The following MTERF4 variants were observed in gnomAD, a reference collection of about 807,000 sequenced individuals.
MTERF4 encodes mitochondrial transcription termination factor 4.
Under a neutral mutation model 22.5 loss-of-function variants are expected in MTERF4, and 17 were observed. That is an observed-to-expected ratio of 0.75 (90% CI 0.52 to 1.13). The LOEUF is 1.13. Ranked by LOEUF, MTERF4 falls within the 50% of genes most tolerant of loss-of-function variation. The pLI, the probability that MTERF4 is intolerant of heterozygous loss-of-function variation, is 0.00. For missense variants in MTERF4, 420 were observed against 466.8 expected (o/e 0.90, Z 0.92); for synonymous variants, 165 against 175.3 (o/e 0.94, Z 0.47).
At chr2:241,064,812 C>G in the MTERF4 span, 1 of 1,508,266 alleles carries the variant, frequency 6.6e-7, no homozygotes, top group Non-Finnish European at 8.9e-7. The surrounding 1 kb of genome is among the most constrained non-coding windows in gnomAD (Gnocchi z 7.0). Flanking sequence ...TGGCCACGCC[C>G]CAACATACAC....
intron 4 of MTERF4, among the ~76,000 whole-genome samples, chr2:241,080,119 T>C (rs1309581382): frequency 6.6e-6 from 1 of 152,090 alleles, no homozygotes; most frequent in Non-Finnish European, 1.5e-5. Context: ...ACCCCGTCTC[T>C]ACTAAAATAC....
At chr2:241,049,997 CCTG>C in the MTERF4 span, 143 of 1,176,802 alleles carry the variant, frequency 1.2e-4, no homozygotes, top group Non-Finnish European at 1.8e-4. Context: ...GGTCCGCCGT[CCTG>C]CTTCTCTGCT....
intron 2 of MTERF4, among the ~76,000 whole-genome samples, chr2:241,098,585 G>C (rs752663952): frequency 2.0e-5 from 3 of 152,170 alleles, no homozygotes; most frequent in Non-Finnish European, 4.4e-5. Flanking sequence ...AGAAGGGAAG[G>C]CCACTCCACG....
At chr2:241,070,423 AAGCAC>A, downstream of MTERF4, among the ~76,000 whole-genome samples, 1 of 152,366 alleles carries the variant, frequency 6.6e-6, no homozygotes, top group African/African-American at 2.4e-5. Context: ...CTGGAATAAT[AAGCAC>A]ATTGAGCCTC....
At chr2:241,089,188 C>T, downstream of MTERF4, 1 of 1,083,744 alleles carries the variant, frequency 9.2e-7, no homozygotes, top group East Asian at 2.6e-5. Context: ...TCATACTGAC[C>T]ATCATTTTTT....
the MTERF4 span, among the ~76,000 whole-genome samples, chr2:241,047,926 AATCCT>A: frequency 6.8e-6 from 1 of 147,542 alleles, no homozygotes; most frequent in African/African-American, 2.6e-5. Context: ...TGTTCTGTCC[AATCCT>A]GGGTGGTCTC....
chr2:241,082,635 A>T (rs1487195549), downstream of MTERF4, among the ~76,000 whole-genome samples: 1 of 152,046 alleles, frequency 6.6e-6, no homozygotes, highest in Non-Finnish European at 1.5e-5. Flanking sequence ...CTTCCTTCCC[A>T]CACATCAGCC....
At chr2:241,065,659 C>G in the MTERF4 span, 1 of 1,420,886 alleles carries the variant, frequency 7.0e-7, no homozygotes, top group Non-Finnish European at 9.7e-7. Flanking sequence ...GCGCTGGCCC[C>G]GGCACCTGCA....
At chr2:241,064,923 C>A in the MTERF4 span, 1 of 1,587,432 alleles carries the variant, frequency 6.3e-7, no homozygotes, top group Non-Finnish European at 8.5e-7. This position sits in a 1 kb window ranked among gnomAD's most constrained non-coding sequence, Gnocchi z 7.0. Context: ...GCTGCACCTG[C>A]AAAGTGGGCT....
At chr2:241,046,423 G>A in the MTERF4 span, among the ~76,000 whole-genome samples, 1 of 152,164 alleles carries the variant, frequency 6.6e-6, no homozygotes, top group South Asian at 2.1e-4. Context: ...TGGGTGAATG[G>A]ATAGACAAAT....
the MTERF4 span, among the ~76,000 whole-genome samples, chr2:241,059,777 TA>T: frequency 1.3e-5 from 2 of 152,220 alleles, no homozygotes; most frequent in African/African-American, 4.8e-5. Flanking sequence ...CTCAACCTGA[TA>T]AAGGACATCC....
chr2:241,074,910 T>A (rs940938432), exon 5 of MTERF4: 1 of 152,174 alleles, frequency 6.6e-6, no homozygotes, highest in Admixed American at 6.5e-5. Flanking sequence ...TGCCTAGAAT[T>A]CCTTTGTTTT....
downstream of MTERF4, chr2:241,087,366 T>C: frequency 6.4e-7 from 1 of 1,571,938 alleles, no homozygotes; most frequent in Middle Eastern, 1.7e-4. Context: ...ACTGTCTGGT[T>C]TTACAAAGCT....
chr2:241,095,141 C>T (rs1288169587), downstream of MTERF4: 2 of 151,038 alleles, frequency 1.3e-5, no homozygotes, highest in Non-Finnish European at 2.9e-5. Flanking sequence ...TGCTCCATGA[C>T]CCTATGCTCT....
chr2:241,088,070 T>G (rs192691161), downstream of MTERF4: 3 of 463,956 alleles, frequency 6.5e-6, no homozygotes, highest in Non-Finnish European at 7.6e-6. Context: ...CGTCACCGGC[T>G]CTTCCCTAGG....
downstream of MTERF4, chr2:241,090,386 C>T: frequency 1.9e-6 from 3 of 1,550,096 alleles, no homozygotes; most frequent in Non-Finnish European, 2.6e-6. Context: ...CTGGAAACCT[C>T]CTGAAGGACC....
exon 5 of MTERF4, chr2:241,074,315 C>CTGGACTTG: frequency 1.3e-5 from 2 of 152,026 alleles, no homozygotes; most frequent in Middle Eastern, 3.4e-3. Context: ...CATACAAGGT[C>CTGGACTTG]TGGACTTGCT....
downstream of MTERF4, chr2:241,093,996 T>C (rs904985156): frequency 8.8e-6 from 2 of 227,596 alleles, no homozygotes; most frequent in African/African-American, 4.7e-5. Flanking sequence ...AGACTGAGGA[T>C]TCTACTTAGT....
chr2:241,067,728 G>A (rs201352949), downstream of MTERF4: 389 of 1,561,432 alleles, frequency 2.5e-4, no homozygotes, highest in African/African-American at 4.9e-3. Context: ...GGAGCAAGGA[G>A]GGGCCGGCAC....
Sources: allele counts gnomAD v4.1 joint callset (sites outside exome capture counted in the v4.1 genomes callset), GRCh38; gene constraint gnomAD v4.1.1; non-coding constraint Gnocchi (gnomAD v3.1); transcripts MANE v1.5; gene names NCBI Gene and HGNC (gene_info 2026-07-23, HGNC 2026-07-21).